The following PARM1 variants were observed in gnomAD, a reference collection of about 807,000 sequenced individuals.
The protein encoded by PARM1 is prostate androgen-regulated mucin-like protein 1.
A neutral mutation model predicts 24.6 loss-of-function variants in PARM1; 14 were observed. The observed-to-expected ratio is 0.57, with a 90% CI of 0.38 to 0.89. PARM1 has a LOEUF of 0.89. Ranked by LOEUF, PARM1 falls within the 40% of genes least tolerant of loss-of-function variation. The pLI is 0.00. For synonymous variants in PARM1, 179 were observed against 156.6 expected, an observed-to-expected ratio of 1.14 and a Z score of -1.07; for missense variants, 362 against 380.4, an observed-to-expected ratio of 0.95 and a Z score of 0.40.
At chr4:74,952,807 T>G (rs2109985379) in intron 1 of PARM1, among the ~76,000 whole-genome samples, 1 of 152,308 alleles carries the variant, frequency 6.6e-6, no homozygotes, top group East Asian at 1.9e-4. Context: ...GTGAAAAGTG[T>G]GTGTTTATGT....
At chr4:74,949,317 AG>A (rs1371821631) in intron 1 of PARM1, among the ~76,000 whole-genome samples, 1 of 152,050 alleles carries the variant, frequency 6.6e-6, no homozygotes, top group African/African-American at 2.4e-5. Flanking sequence ...ATCTCTGTAT[AG>A]GTCAGTTTTC....
intron 3 of PARM1, among the ~76,000 whole-genome samples, chr4:75,037,038 G>A (rs561957625): frequency 1.5e-4 from 23 of 152,254 alleles, no homozygotes; most frequent in Non-Finnish European, 2.4e-4. Context: ...TGAATCTTAA[G>A]GCTATGCTAA....
At chr4:75,037,120 G>T (rs1295647827) in intron 3 of PARM1, among the ~76,000 whole-genome samples, 2 of 152,168 alleles carry the variant, frequency 1.3e-5, no homozygotes, top group Non-Finnish European at 2.9e-5. Context: ...TACTTTAATT[G>T]ACGTGTGTGT....
chr4:74,996,060 A>G (rs1722571574), intron 1 of PARM1, among the ~76,000 whole-genome samples: 1 of 151,998 alleles, frequency 6.6e-6, no homozygotes, highest in South Asian at 2.1e-4. Flanking sequence ...TTCCATCCAC[A>G]CCACTATTCT....
intron 1 of PARM1, among the ~76,000 whole-genome samples, chr4:74,987,600 G>A (rs1193605094): frequency 6.6e-6 from 1 of 152,128 alleles, no homozygotes; most frequent in Non-Finnish European, 1.5e-5. Flanking sequence ...TATTCAAGGT[G>A]TTTGTTAAGA....
chr4:75,011,380 A>G (rs1422808293), intron 1 of PARM1, among the ~76,000 whole-genome samples: 1 of 152,128 alleles, frequency 6.6e-6, no homozygotes, highest in African/African-American at 2.4e-5. Context: ...AAAGAAATAC[A>G]TGAAGGGTGA....
At chr4:75,023,243 C>T (rs545786993) in intron 2 of PARM1, among the ~76,000 whole-genome samples, 1 of 152,324 alleles carries the variant, frequency 6.6e-6, no homozygotes, top group South Asian at 2.1e-4. Context: ...GTTCAAATCT[C>T]ACCAGTGCTA....
At chr4:75,003,448 A>T (rs1021626408) in intron 1 of PARM1, among the ~76,000 whole-genome samples, 2 of 152,170 alleles carry the variant, frequency 1.3e-5, no homozygotes, top group African/African-American at 4.8e-5. Context: ...AACTGATTTT[A>T]TGGATGGAGA....
In PARM1 at chr4:74,933,261, G is replaced by T; in HGVS notation, c.-67G>T. On this transcript the variant is annotated 5_prime_UTR_variant, in exon 1 of 4. Transcript: ENST00000307428. Reference sequence around the variant, plus strand: ...GCAGAGGAGTCGCTACCAGCGCCCAGTGCGCTCTGTCAGTCCGCAAACTCC... The same window carrying T: ...GCAGAGGAGTCGCTACCAGCGCCCATTGCGCTCTGTCAGTCCGCAAACTCC... 2 of 1,437,932 alleles carry T rather than the reference G, an allele frequency of 1.4e-6. No individual in the cohort carries two copies. The highest frequency in any genetic ancestry group is 1.9e-6 in the Non-Finnish European group (2 of 1,025,894). The allele number at this position is 1,437,932 out of a possible 1,614,324, so 89.1% of individuals were successfully genotyped here.
At chr4:75,034,004 T>G in intron 3 of PARM1, 43 bp downstream of exon 3, 1 of 1,493,924 alleles carries the variant, frequency 6.7e-7, no homozygotes. Context: ...TTCTGTTTTG[T>G]TGGGCTCTGG....
chr4:75,033,403 C>A (rs17000110), intron 2 of PARM1, among the ~76,000 whole-genome samples: 9,497 of 151,948 alleles, frequency 0.063, 1,000 homozygotes, highest in African/African-American at 0.22. Flanking sequence ...TATGAAAAAA[C>A]CGAAAAAAAC....
intron 1 of PARM1, among the ~76,000 whole-genome samples, chr4:74,971,228 G>A (rs932063604): frequency 2.0e-5 from 3 of 152,188 alleles, no homozygotes; most frequent in Admixed American, 1.3e-4. Context: ...GCAAAGGCAT[G>A]TCCTACATGA....
At chr4:74,991,602 C>G (rs1367889833) in intron 1 of PARM1, among the ~76,000 whole-genome samples, 2 of 152,134 alleles carry the variant, frequency 1.3e-5, no homozygotes, top group Non-Finnish European at 2.9e-5. Flanking sequence ...GTAGAAACAT[C>G]ACCAGAAAGA....
intron 3 of PARM1, among the ~76,000 whole-genome samples, chr4:75,044,024 A>G (rs1251873598): frequency 1.3e-5 from 2 of 150,380 alleles, no homozygotes; most frequent in Admixed American, 1.3e-4. Context: ...TGAAACGAGC[A>G]CAGCAAAGGT....
intron 3 of PARM1, among the ~76,000 whole-genome samples, chr4:75,042,848 G>A (rs1021146786): frequency 6.6e-6 from 1 of 151,760 alleles, no homozygotes; most frequent in Admixed American, 6.6e-5. Flanking sequence ...TAAGCCCTAT[G>A]GGTTCAGTAC....
chr4:75,014,784 A>G lies in PARM1; in HGVS notation c.769+1634A>G, dbSNP rs149810377. 9.4e-3 allele frequency among the ~76,000 whole-genome samples: 1,429 copies of G among 152,270 alleles called. 14 individuals are homozygous for G. The highest frequency in any genetic ancestry group is 0.015 in the Non-Finnish European group (990 of 68,012). On this transcript the variant is annotated intron_variant, in intron 2 of 3. Transcript: ENST00000307428. ...ATCTATTGACTCCTCTGTGCAGCCCATCACCCCATTAGCACCTTTTTTATA... is the reference window on the plus strand; with the variant it reads ...ATCTATTGACTCCTCTGTGCAGCCCGTCACCCCATTAGCACCTTTTTTATA...
rs531222744 is a variant in PARM1, at chr4:75,005,944, G to T, written c.44-6481G>T. Among the ~76,000 whole-genome samples the T allele has an allele frequency of 2.6e-5, 4 of 152,254 alleles. No homozygotes were observed. The South Asian group carries it at 8.3e-4, about 32-fold the overall frequency. On this transcript the variant is annotated intron_variant, in intron 1 of 3. Transcript: ENST00000307428. ...GAATCTGTCCCTTTCATGTCTGTGG[G>T]CCTGTCACTGCCCCAGCAGGACACA...
intron 1 of PARM1, among the ~76,000 whole-genome samples, chr4:74,978,337 C>A (rs1336325013): frequency 2.0e-5 from 3 of 152,124 alleles, no homozygotes; most frequent in Admixed American, 6.6e-5. Flanking sequence ...ACAAAACAGA[C>A]TTTAAACCAA....
intron 1 of PARM1, among the ~76,000 whole-genome samples, chr4:75,006,752 A>T (rs956332864): frequency 2.0e-5 from 3 of 152,176 alleles, no homozygotes; most frequent in African/African-American, 7.2e-5. Context: ...TAAATGTTAG[A>T]CCTAAAACCA....
Sources: gnomAD v4.1 joint callset for allele counts (sites outside exome capture counted in the v4.1 genomes callset) on GRCh38, gnomAD v4.1.1 for gene constraint, MANE v1.5 for transcripts, NCBI Gene and HGNC (gene_info 2026-07-23, HGNC 2026-07-21) for gene names.